WDR70: variants seen among roughly 807,000 people sequenced by gnomAD.
The protein encoded by WDR70 is WD repeat-containing protein 70.
In WDR70, 53 loss-of-function variants were observed where a neutral mutation model predicts 88.6. The ratio of observed to expected loss-of-function variants is 0.60; its 90% CI spans 0.48 to 0.75. The LOEUF is 0.75. Among genes scored for constraint, WDR70 ranks in the 30% least tolerant of loss-of-function variants. The probability of loss-of-function intolerance (pLI) is 0.00; values close to 1 mark genes in which losing one functional copy is unlikely to be tolerated. For missense variants in WDR70, 610 were observed against 823.2 expected, an observed-to-expected ratio of 0.74 and a Z score of 3.17; for synonymous variants, 280 against 270.0, an observed-to-expected ratio of 1.04 and a Z score of -0.36.
intron 17 of WDR70, among the ~76,000 whole-genome samples, chr5:37,740,868 T>C (rs916991229): frequency 1.3e-5 from 2 of 152,216 alleles, no homozygotes; most frequent in African/African-American, 4.8e-5. Flanking sequence ...TTTGCCAAGC[T>C]AGGGGAGGGA....
chr5:37,457,052 G>A (rs1738860433), intron 7 of WDR70, among the ~76,000 whole-genome samples: 1 of 152,108 alleles, frequency 6.6e-6, no homozygotes, highest in African/African-American at 2.4e-5. Context: ...GAAGGCTAAG[G>A]TGGGGGTGTA....
chr5:37,613,965 C>T (rs1744259808), intron 10 of WDR70, among the ~76,000 whole-genome samples: 2 of 152,172 alleles, frequency 1.3e-5, no homozygotes, highest in Non-Finnish European at 2.9e-5. Context: ...TAGCCCACTA[C>T]CTGTTTTTGT....
intron 5 of WDR70, among the ~76,000 whole-genome samples, chr5:37,426,240 C>T (rs1750120770): frequency 6.6e-6 from 1 of 152,118 alleles, no homozygotes; most frequent in Admixed American, 6.6e-5. Context: ...TCAATTGTAT[C>T]AGAATTAGAT....
chr5:37,499,604 T>TCTCTCC, intron 8 of WDR70, among the ~76,000 whole-genome samples: 1 of 145,694 alleles, frequency 6.9e-6, no homozygotes, highest in Non-Finnish European at 1.5e-5. Flanking sequence ...TCTCTCTCTC[T>TCTCTCC]CTCTCTCTCT....
intron 5 of WDR70, among the ~76,000 whole-genome samples, chr5:37,398,677 T>G (rs1170907105): frequency 3.9e-5 from 6 of 152,214 alleles, no homozygotes; most frequent in African/African-American, 1.2e-4. Context: ...CATATGCACA[T>G]GCATTCATGT....
intron 10 of WDR70, among the ~76,000 whole-genome samples, chr5:37,607,711 T>A (rs1744072192): frequency 6.6e-6 from 1 of 152,220 alleles, no homozygotes; most frequent in Non-Finnish European, 1.5e-5. Context: ...TAATGGACAA[T>A]ATAGACCATT....
At chr5:37,621,682 T>G (rs1284906006) in intron 10 of WDR70, among the ~76,000 whole-genome samples, 2 of 152,234 alleles carry the variant, frequency 1.3e-5, no homozygotes, top group Non-Finnish European at 2.9e-5. Flanking sequence ...GTAGGTTGCC[T>G]GTTCACTCTG....
intron 8 of WDR70, among the ~76,000 whole-genome samples, chr5:37,490,114 G>A (rs1461812767): frequency 6.6e-6 from 1 of 152,162 alleles, no homozygotes; most frequent in Non-Finnish European, 1.5e-5. Flanking sequence ...ATGTGCCTGA[G>A]GTGACTGATG....
At chr5:37,701,228 CT>C in intron 12 of WDR70, 86 bp downstream of exon 12, 2 of 799,844 alleles carry the variant, frequency 2.5e-6, no homozygotes, top group South Asian at 3.7e-5. Flanking sequence ...TATCATACGT[CT>C]TTTAGATCTT....
At chr5:37,741,510 G>A (rs1361998371) in intron 17 of WDR70, among the ~76,000 whole-genome samples, 7 of 152,088 alleles carry the variant, frequency 4.6e-5, no homozygotes, top group African/African-American at 1.7e-4. Context: ...GGATGAAACT[G>A]TTCCACCTCA....
chr5:37,606,413 A>G (rs932989166), intron 10 of WDR70, among the ~76,000 whole-genome samples: 1 of 152,182 alleles, frequency 6.6e-6, no homozygotes. Flanking sequence ...ACTGGTTTTC[A>G]TCATCTCTGG....
chr5:37,745,604 CA>C (rs60456578), intron 17 of WDR70, among the ~76,000 whole-genome samples: 5 of 142,188 alleles, frequency 3.5e-5, no homozygotes, highest in South Asian at 2.3e-4. Flanking sequence ...AAATGGAAAG[CA>C]AAAAAAAAAT....
chr5:37,448,420 A>G (rs981591060), intron 7 of WDR70, among the ~76,000 whole-genome samples: 5 of 152,090 alleles, frequency 3.3e-5, no homozygotes, highest in Admixed American at 3.3e-4. Flanking sequence ...GCTCATTGAT[A>G]TTGGGATGTC....
At chr5:37,695,641 C>G (rs10941361) in intron 10 of WDR70, among the ~76,000 whole-genome samples, 4 of 151,910 alleles carry the variant, frequency 2.6e-5, no homozygotes, top group African/African-American at 9.7e-5. Flanking sequence ...TGAAACACTT[C>G]TCATATCTCA....
intron 5 of WDR70, among the ~76,000 whole-genome samples, chr5:37,422,583 T>C (rs1749978909): frequency 6.6e-6 from 1 of 152,152 alleles, no homozygotes. Flanking sequence ...GTTCAAGTGA[T>C]TCTTGTGCCT....
At chr5:37,735,941 T>C (rs558552799) in intron 17 of WDR70, among the ~76,000 whole-genome samples, 45 of 152,270 alleles carry the variant, frequency 3.0e-4, no homozygotes, top group Non-Finnish European at 5.7e-4. Flanking sequence ...AAAGAGTCTT[T>C]AAAGAGTTTA....
At chr5:37,723,173 G>A in intron 15 of WDR70, 2 of 532,958 alleles carry the variant, frequency 3.8e-6, no homozygotes, top group Non-Finnish European at 6.7e-6. Context: ...GCCTGTTCGA[G>A]TCCAATACAT....
intron 5 of WDR70, among the ~76,000 whole-genome samples, chr5:37,404,762 T>G (rs1749302183): frequency 6.6e-6 from 1 of 152,202 alleles, no homozygotes; most frequent in Non-Finnish European, 1.5e-5. Context: ...GTTATTGCTT[T>G]TATTATTGAA....
chr5:37,497,484 C>CCTTTCCTTCCCT (rs1475966123), intron 8 of WDR70, among the ~76,000 whole-genome samples: 1,574 of 140,234 alleles, frequency 0.011, 21 homozygotes, highest in Middle Eastern at 0.053. Flanking sequence ...TTCCCTCTTC[C>CCTTTCCTTCCCT]CTTCCCTTCC....
Sources: gnomAD v4.1 joint callset for allele counts (sites outside exome capture counted in the v4.1 genomes callset) on GRCh38, gnomAD v4.1.1 for gene constraint, MANE v1.5 for transcripts, NCBI Gene and HGNC (gene_info 2026-07-23, HGNC 2026-07-21) for gene names.